Variants in TACC2 observed in about 807,000 individuals in gnomAD.
TACC2 encodes transforming acidic coiled-coil-containing protein 2.
A neutral mutation model predicts 227.3 loss-of-function variants in TACC2; 137 were observed. That is an observed-to-expected ratio of 0.60 (90% confidence interval 0.52 to 0.69). The LOEUF is 0.69. Among genes scored for constraint, TACC2 ranks in the 30% least tolerant of loss-of-function variants. The pLI, the probability that TACC2 is intolerant of heterozygous loss-of-function variation, is 0.00. For synonymous variants in TACC2, 1,523 were observed against 1,487.5 expected (o/e 1.02, Z -0.55); for missense variants, 3,470 against 3,694.4 (o/e 0.94, Z 1.57).
chr10:122,057,449 A>G (rs1321091690), intron 3 of TACC2, among the ~76,000 whole-genome samples: 1 of 151,864 alleles, frequency 6.6e-6, no homozygotes, highest in Non-Finnish European at 1.5e-5. Context: ...GTAAAATCCT[A>G]AGCCCCCCAT....
In TACC2 at chr10:121,995,987, C is replaced by T. The variant is rs182322753; in HGVS notation, c.-46+6499C>T. The stretch of plus-strand genomic sequence containing the variant: ...CAGGCTGGTCTCAAACTCCTGACCT[C>T]GTGATCTGCCCGCCTTGGACTCCCA... On this transcript the variant is annotated intron_variant, in intron 1 of 22. Coordinates refer to ENST00000369005, the MANE Select transcript of TACC2 (RefSeq NM_206862.4). Among the ~76,000 whole-genome samples, 613 of 152,208 alleles carry T rather than the reference C, an allele frequency of 4.0e-3. 1 individual carries two copies. Among genetic ancestry groups the T allele is most frequent in the African/African-American group, 0.014 (583 of 41,534 alleles).
Position 122,210,904 on chromosome 10 carries a change from A to G in TACC2, c.6479A>G (p.Glu2160Gly). 1.9e-6 allele frequency: 3 copies of G among 1,613,766 alleles called. No individual in the cohort carries two copies. The highest frequency in any genetic ancestry group is 2.5e-6 in the Non-Finnish European group (3 of 1,180,000). Residue 2160 changes from glutamate (E) to glycine (G), a missense_variant, in exon 9 of 23, where the codon GAG becomes GGG. Transcript: ENST00000369005. This position sits in a 1 kb window ranked among gnomAD's most constrained non-coding sequence, Gnocchi z 4.6. ...VKETQQEPDEESLVPSGENLA... is the reference protein window; with the variant it reads ...VKETQQEPDEGSLVPSGENLA... Reference sequence around the variant, plus strand: ...GAGACGCAACAGGAGCCAGATGAAGAGAGCCTTGTCCCCAGTGGGGAGAAT... The same window carrying G: ...GAGACGCAACAGGAGCCAGATGAAGGGAGCCTTGTCCCCAGTGGGGAGAAT...
chr10:122,000,335 C>A (rs766267370), intron 1 of TACC2, among the ~76,000 whole-genome samples: 1 of 152,046 alleles, frequency 6.6e-6, no homozygotes, highest in African/African-American at 2.4e-5. Context: ...GCAGAGATCG[C>A]GCCACTGCAC....
intron 1 of TACC2, among the ~76,000 whole-genome samples, chr10:121,996,965 A>G (rs1033809506): frequency 6.6e-6 from 1 of 152,026 alleles, no homozygotes; most frequent in Non-Finnish European, 1.5e-5. Context: ...GGTTGGCTTC[A>G]CTGAGAGGGT....
At chr10:122,065,971 A>G (rs921361815) in intron 3 of TACC2, among the ~76,000 whole-genome samples, 9 of 152,310 alleles carry the variant, frequency 5.9e-5, no homozygotes, top group African/African-American at 1.7e-4. Context: ...TAGTGTTTGC[A>G]TAGTACATCT....
chr10:122,226,813 C>T (rs550489814), intron 13 of TACC2, among the ~76,000 whole-genome samples: 1 of 152,266 alleles, frequency 6.6e-6, no homozygotes, highest in South Asian at 2.1e-4. Flanking sequence ...ACCCTTTGGA[C>T]TAAAGTGAAA....
At chr10:122,119,574 G>GAAGC (rs1432797099) in intron 5 of TACC2, among the ~76,000 whole-genome samples, 3,146 of 152,288 alleles carry the variant, frequency 0.021, 131 homozygotes, top group African/African-American at 0.071. Context: ...TCACCTGACT[G>GAAGC]TATAGCTTCT....
chr10:122,215,343 G>A (rs1418148899), intron 9 of TACC2, 48 bp from the exon 10 acceptor site: 1 of 1,556,014 alleles, frequency 6.4e-7, no homozygotes, highest in Non-Finnish European at 8.9e-7. Flanking sequence ...GCTCTGGAGT[G>A]TTCCGTCCCT....
intron 5 of TACC2, among the ~76,000 whole-genome samples, chr10:122,110,987 G>A (rs910544016): frequency 1.3e-5 from 2 of 152,106 alleles, no homozygotes; most frequent in Admixed American, 1.3e-4. Flanking sequence ...TCCCTGGCTC[G>A]TGGTCCCTTC....
intron 11 of TACC2, among the ~76,000 whole-genome samples, chr10:122,222,688 G>A (rs2095544250): frequency 6.6e-6 from 1 of 152,208 alleles, no homozygotes; most frequent in African/African-American, 2.4e-5. Context: ...TTCCAAGTGG[G>A]ACACTTTAGT....
chr10:122,130,933 A>G (rs1043833348), intron 5 of TACC2, among the ~76,000 whole-genome samples: 3 of 152,124 alleles, frequency 2.0e-5, no homozygotes, highest in South Asian at 2.1e-4. Context: ...TTGTGGGCCA[A>G]GAGTTCTCAG....
intron 7 of TACC2, among the ~76,000 whole-genome samples, chr10:122,185,021 CTT>C (rs34148046): frequency 3.1e-5 from 3 of 95,310 alleles, no homozygotes; most frequent in Non-Finnish European, 4.1e-5. Context: ...GTCACTTATT[CTT>C]TTTTTTTTTT....
chr10:122,199,288 T>C (rs905359488), intron 8 of TACC2, among the ~76,000 whole-genome samples: 1 of 152,234 alleles, frequency 6.6e-6, no homozygotes, highest in African/African-American at 2.4e-5. Context: ...CTCGTTGTGC[T>C]CTAAGTGGCT....
At chr10:122,238,562 G>A (rs2095908778) in intron 18 of TACC2, among the ~76,000 whole-genome samples, 1 of 152,108 alleles carries the variant, frequency 6.6e-6, no homozygotes, top group African/African-American at 2.4e-5. Context: ...TGATTCTCCT[G>A]CCTCAGCCAC....
intron 7 of TACC2, among the ~76,000 whole-genome samples, chr10:122,185,404 C>T (rs901760213): frequency 6.6e-5 from 10 of 152,116 alleles, no homozygotes; most frequent in African/African-American, 2.4e-4. Flanking sequence ...CCATGTTGGC[C>T]AGGCTGGTCT....
At chr10:122,176,109 CTCTCTCTCTATATATATA>C (rs1207861981) in intron 7 of TACC2, among the ~76,000 whole-genome samples, 20 of 68,072 alleles carry the variant, frequency 2.9e-4, no homozygotes, top group African/African-American at 1.5e-3. Context: ...CTCTCTCTCT[CTCTCTCTCTATATATATA>C]TATATATATA....
intron 1 of TACC2, among the ~76,000 whole-genome samples, chr10:122,008,246 G>GTTATTATTATTA (rs1554958021): frequency 3.5e-4 from 39 of 111,890 alleles, no homozygotes; most frequent in East Asian, 1.1e-3. Context: ...CTATCCCTTT[G>GTTATTATTATTA]TTATTATTAT....
chr10:121,998,039 C>T (rs1022051329), intron 1 of TACC2, among the ~76,000 whole-genome samples: 8 of 152,178 alleles, frequency 5.3e-5, no homozygotes, highest in South Asian at 2.1e-4. Context: ...CGGCTGGGCA[C>T]GGTGGCTCAT....
chr10:122,202,703 G>T (rs3981020), intron 8 of TACC2, among the ~76,000 whole-genome samples: 1 of 77,326 alleles, frequency 1.3e-5, no homozygotes, highest in African/African-American at 3.1e-5. Flanking sequence ...GGTGTTTCTC[G>T]GAGAGGGGGA....
Sources: gnomAD v4.1 joint callset for allele counts (sites outside exome capture counted in the v4.1 genomes callset) on GRCh38, gnomAD v4.1.1 for gene constraint, Gnocchi (gnomAD v3.1) non-coding constraint, MANE v1.5 for transcripts, NCBI Gene and HGNC (gene_info 2026-07-23, HGNC 2026-07-21) for gene names.